The following INTS8 variants were observed in gnomAD, a reference collection of about 807,000 sequenced individuals.
INTS8 encodes protein kaonashi-1.
In INTS8, 47 loss-of-function variants were observed where a neutral mutation model predicts 138.9. The ratio of observed to expected loss-of-function variants is 0.34; its 90% CI spans 0.27 to 0.43. INTS8 has a LOEUF of 0.43. Among genes scored for constraint, INTS8 ranks in the 20% least tolerant of loss-of-function variants. The probability of loss-of-function intolerance (pLI) is 1.00; values close to 1 mark genes in which losing one functional copy is unlikely to be tolerated. For missense variants in INTS8, 996 were observed against 1,173.0 expected (o/e 0.85, Z 2.20); for synonymous variants, 392 against 400.9 (o/e 0.98, Z 0.27).
chr8:94,845,553 C>T (rs958224183), intron 10 of INTS8, among the ~76,000 whole-genome samples: 2 of 152,194 alleles, frequency 1.3e-5, no homozygotes, highest in Admixed American at 6.5e-5. Context: ...ACCTCCGCCT[C>T]CCGCGTTCAA....
intron 6 of INTS8, among the ~76,000 whole-genome samples, chr8:94,836,103 A>G (rs1476050666): frequency 6.6e-6 from 1 of 152,104 alleles, no homozygotes; most frequent in Non-Finnish European, 1.5e-5. Context: ...CGACAGTAAA[A>G]TCTAGTTTCC....
At chr8:94,845,457 C>T (rs1403465153) in intron 10 of INTS8, among the ~76,000 whole-genome samples, 3 of 152,028 alleles carry the variant, frequency 2.0e-5, no homozygotes, top group Admixed American at 1.3e-4. Context: ...CAAGTTCTAC[C>T]TTGTTTTCAA....
chr8:94,865,657 A>G lies in INTS8; in HGVS notation c.2228A>G (p.Lys743Arg), dbSNP rs2131059975. 6.2e-7 allele frequency: 1 copy of G among 1,614,144 alleles called. No individual in the cohort carries two copies. The highest frequency in any genetic ancestry group is 8.5e-7 in the Non-Finnish European group (1 of 1,179,968). Residue 743 changes from lysine (K) to arginine (R), a missense_variant, in exon 17 of 27, where the codon AAA (lysine) becomes AGA (arginine). By Grantham distance (26) the Lys-to-Arg change is conservative. Transcript: ENST00000523731. Reference sequence around the variant, plus strand: ...AATGATGGCAGAGTTAGTTTAATAAAACAGAGGGAATCTACGTTAGGTATC... The same window carrying G: ...AATGATGGCAGAGTTAGTTTAATAAGACAGAGGGAATCTACGTTAGGTATC... Reference protein sequence around the residue: ...RGNDGRVSLIKQRESTLGIMY... With the variant: ...RGNDGRVSLIRQRESTLGIMY...
chr8:94,873,363 TTC>T lies in INTS8; in HGVS notation c.2534-9_2534-8del. 1 of 1,595,652 alleles carries T rather than the reference TTC, an allele frequency of 6.3e-7. No individual in the cohort carries two copies. Among genetic ancestry groups the T allele is most frequent in the African/African-American group, 1.3e-5 (1 of 74,692 alleles). ...TACCTCTAATGCTTTATGTCTGTTT[TTC>T]TGTTTCAGCAACGAATCAGTATTCA... is the stretch of plus-strand genomic sequence containing the variant. On this transcript the variant is annotated splice_polypyrimidine_tract_variant and intron_variant, in intron 21 of 26. Coordinates refer to ENST00000523731, the MANE Select transcript of INTS8 (RefSeq NM_017864.4).
At chr8:94,853,242 G>A (rs1815616594) in intron 13 of INTS8, among the ~76,000 whole-genome samples, 2 of 152,118 alleles carry the variant, frequency 1.3e-5, no homozygotes, top group Non-Finnish European at 2.9e-5. Flanking sequence ...AACCTGGGAG[G>A]CAGAGATTGC....
intron 26 of INTS8, among the ~76,000 whole-genome samples, chr8:94,879,422 C>T (rs1302798336): frequency 1.3e-5 from 2 of 151,980 alleles, no homozygotes; most frequent in Admixed American, 6.6e-5. Context: ...GGTGAAACCC[C>T]GTCTCTACTA....
rs1221586628 is a variant in INTS8, at chr8:94,830,664, AT to A, written c.571-1323del. Among the ~76,000 whole-genome samples the A allele has an allele frequency of 2.0e-5, 3 of 152,062 alleles. No individual in the cohort carries two copies. In the East Asian group the frequency reaches 5.8e-4, roughly 29 times the overall value. On this transcript the variant is annotated intron_variant, in intron 5 of 26. Transcript: ENST00000523731. The stretch of plus-strand genomic sequence containing the variant: ...AGACATGTGCCACCACACTAGACTA[AT>A]TTTTGTATTTTTTGTAGAGATGGGA...
intron 16 of INTS8, among the ~76,000 whole-genome samples, 168 bp from the exon 17 acceptor site, chr8:94,865,338 A>G (rs1223883663): frequency 2.0e-5 from 3 of 152,224 alleles, no homozygotes; most frequent in Non-Finnish European, 2.9e-5. Flanking sequence ...GTCAGTACGC[A>G]ATGAGCCCTA....
rs1208161566 is a variant in INTS8 at position 94,866,190 on chromosome 8, G to A, written c.2294G>A (p.Arg765Gln). The A allele has an allele frequency of 3.0e-6, 4 of 1,325,930 alleles. No individual in the cohort carries two copies. The highest frequency in any genetic ancestry group is 1.9e-5 in the Admixed American group (1 of 53,426). 82.1% of individuals were successfully genotyped at this position (1,325,930 alleles called of 1,614,324 possible). Residue 765 changes from arginine (R) to glutamine (Q), a missense_variant and splice_region_variant, in exon 18 of 27, where the codon CGA becomes CAA. Transcript: ENST00000523731. ...SELLSFIKKL[R>Q]EPLVLTIILS... ...CTGCTTTCTTTTATCAAAAAATTACGAGTAAGTTTTATTAAAAATTGCTCT... is the reference window on the plus strand; with the variant it reads ...CTGCTTTCTTTTATCAAAAAATTACAAGTAAGTTTTATTAAAAATTGCTCT...
At chr8:94,862,567 C>T (rs1816030568) in intron 16 of INTS8, among the ~76,000 whole-genome samples, 1 of 152,202 alleles carries the variant, frequency 6.6e-6, no homozygotes, top group Admixed American at 6.5e-5. Context: ...GGTTGCCTAA[C>T]TCTGGGAGAG....
chr8:94,836,676 C>A, intron 7 of INTS8, 45 bp downstream of exon 7: 1 of 1,173,906 alleles, frequency 8.5e-7, no homozygotes, highest in Non-Finnish European at 1.3e-6. Flanking sequence ...TTCTTTAAAA[C>A]ATCTATACAT....
chr8:94,866,846 T>C (rs573435256), intron 18 of INTS8: 8 of 310,362 alleles, frequency 2.6e-5, no homozygotes, highest in Non-Finnish European at 3.5e-5. Context: ...TTGAACATTA[T>C]TTTAAGGGAT....
chr8:94,825,195 A>T, intron 2 of INTS8, 128 bp downstream of exon 2: 1 of 593,920 alleles, frequency 1.7e-6, no homozygotes, highest in Admixed American at 3.3e-5. Context: ...CGCCTATAAT[A>T]ATCCCGGCAC....
At chr8:94,832,702 T>A (rs1814769459) in intron 6 of INTS8, among the ~76,000 whole-genome samples, 3 of 152,066 alleles carry the variant, frequency 2.0e-5, no homozygotes, top group Non-Finnish European at 4.4e-5. Context: ...TCACCCAGGC[T>A]GGAGTGCAGT....
rs767223434 is a variant in INTS8 at position 94,880,286 on chromosome 8, CAG to C, written c.*53_*54del. ...TTTTAAACAATGGGCTAAAAATAAA[CAG>C]TATTAAAAGGTTAAGTTTATATAAT... is the stretch of plus-strand genomic sequence containing the variant. On this transcript the variant is annotated 3_prime_UTR_variant, in exon 27 of 27. Transcript: ENST00000523731. The C allele has an allele frequency of 1.7e-5, 16 of 961,474 alleles. No individual in the cohort carries two copies. The highest frequency in any genetic ancestry group is 4.2e-4 in the Middle Eastern group (2 of 4,766). 59.6% of individuals were successfully genotyped at this position (961,474 alleles called of 1,614,324 possible).
intron 5 of INTS8, among the ~76,000 whole-genome samples, chr8:94,829,834 T>C (rs1448590943): frequency 6.6e-6 from 1 of 152,262 alleles, no homozygotes; most frequent in African/African-American, 2.4e-5. Context: ...TTGTATTTTC[T>C]AAAAACTCTA....
At chr8:94,872,101 T>C in intron 21 of INTS8, 99 bp downstream of exon 21, 1 of 622,798 alleles carries the variant, frequency 1.6e-6, no homozygotes, top group East Asian at 2.8e-5. Flanking sequence ...TTAAGTTTTG[T>C]TGAGATTTAC....
chr8:94,823,851 C>T (rs1458242707), intron 1 of INTS8, among the ~76,000 whole-genome samples: 1 of 152,264 alleles, frequency 6.6e-6, no homozygotes, highest in African/African-American at 2.4e-5. Flanking sequence ...GTTTTAGAGG[C>T]TGCGAGGCGG....
At chr8:94,829,074 G>T (rs1814616290) in intron 5 of INTS8, 48 bp downstream of exon 5, 1 of 1,379,796 alleles carries the variant, frequency 7.2e-7, no homozygotes, top group South Asian at 1.2e-5. Context: ...AACAACTTTA[G>T]AGCAGCAGTT....
Sources: allele counts gnomAD v4.1 joint callset (sites outside exome capture counted in the v4.1 genomes callset), GRCh38; gene constraint gnomAD v4.1.1; transcripts MANE v1.5; gene names NCBI Gene and HGNC (gene_info 2026-07-23, HGNC 2026-07-21).